The following LRBA variants were observed in gnomAD, a reference collection of about 807,000 sequenced individuals.
LRBA encodes lipopolysaccharide-responsive and beige-like anchor protein.
A neutral mutation model predicts 330.0 loss-of-function variants in LRBA; 176 were observed. That is an observed-to-expected ratio of 0.53 (90% confidence interval 0.47 to 0.60). LRBA has a LOEUF of 0.60. Ranked by LOEUF, LRBA falls within the 20% of genes least tolerant of loss-of-function variation. The pLI is 0.00. For missense variants in LRBA, 3,259 were observed against 3,444.8 expected (o/e 0.95, Z 1.35); for synonymous variants, 1,230 against 1,193.0 (o/e 1.03, Z -0.64).
Position 150,897,783 on chromosome 4 carries a change from G to C in LRBA, c.1960C>G (p.Leu654Val). 2 of 1,612,208 alleles carry C rather than the reference G, an allele frequency of 1.2e-6. No individual in the cohort carries two copies. Among genetic ancestry groups the C allele is most frequent in the Non-Finnish European group, 1.7e-6 (2 of 1,178,738 alleles). The change falls in exon 15 of 57, where the codon CTA becomes GTA. Residue 654 changes from leucine (L) to valine (V), a missense_variant. Coordinates refer to ENST00000651943, the MANE Select transcript of LRBA (RefSeq NM_001364905.1). ...PRPNQKEMLSLRAFLLMFIKQ... is the reference protein window; with the variant it reads ...PRPNQKEMLSVRAFLLMFIKQ... ...ATGAACATCAACAAGAATGCTCGTA[G>C]AGAAAGCATTTCTTTTTGATTAGGT...
At chr4:150,276,520 A>C (rs568557210) in intron 56 of LRBA, among the ~76,000 whole-genome samples, 2 of 152,342 alleles carry the variant, frequency 1.3e-5, no homozygotes, top group East Asian at 3.9e-4. Flanking sequence ...AATTTTTGCA[A>C]TCTATCCAAC....
At position 150,773,244 on chromosome 4, in the gene LRBA, T is replaced by C. The variant is rs1365147023; in HGVS notation, c.5581-11397A>G. On this transcript the variant is annotated intron_variant, in intron 34 of 56. Coordinates refer to ENST00000651943, the MANE Select transcript of LRBA (RefSeq NM_001364905.1). ...GGAAGTGAAAAGTGATAAAGATCCATGCAAACTAAATTATGACATACAGCT... is the reference window on the plus strand; with the variant it reads ...GGAAGTGAAAAGTGATAAAGATCCACGCAAACTAAATTATGACATACAGCT... Among the ~76,000 whole-genome samples, 3 of 152,194 alleles carry C rather than the reference T, an allele frequency of 2.0e-5. No individual in the cohort carries two copies. The East Asian group carries it at 5.8e-4, about 29-fold the overall frequency.
Position 150,486,940 on chromosome 4 carries a change from A to C in LRBA, c.6551+792T>G, listed in dbSNP as rs543981219. On this transcript the variant is annotated intron_variant, in intron 42 of 56. Transcript: ENST00000651943. ...CACTTAACAGAATGTCCTCCAGTTC[A>C]TCCATGTTATTGTAGATAACAAGAT... Among the ~76,000 whole-genome samples, 5 of 151,952 alleles carry C rather than the reference A, an allele frequency of 3.3e-5. No individual in the cohort carries two copies. The South Asian group carries it at 1.0e-3, about 32-fold the overall frequency.
At chr4:150,370,168 C>A (rs1225617390) in intron 47 of LRBA, among the ~76,000 whole-genome samples, 1 of 152,160 alleles carries the variant, frequency 6.6e-6, no homozygotes, top group South Asian at 2.1e-4. Flanking sequence ...TATGATCTAG[C>A]AGTTGCACTC....
intron 36 of LRBA, among the ~76,000 whole-genome samples, chr4:150,691,810 T>C (rs72959848): frequency 0.061 from 9,264 of 152,162 alleles, 868 homozygotes; most frequent in African/African-American, 0.21. Flanking sequence ...AATGTCTGCC[T>C]ATAGCTGAAT....
chr4:150,567,646 C>T (rs1460025878), intron 40 of LRBA, among the ~76,000 whole-genome samples: 2 of 152,084 alleles, frequency 1.3e-5, no homozygotes, highest in African/African-American at 2.4e-5. Context: ...AAGTGCTTAG[C>T]ATAGTGGTTG....
At chr4:150,701,428 A>T (rs1785110962) in intron 36 of LRBA, among the ~76,000 whole-genome samples, 1 of 152,212 alleles carries the variant, frequency 6.6e-6, no homozygotes, top group Non-Finnish European at 1.5e-5. Context: ...GCACTTTCAT[A>T]CGAATGGAAA....
chr4:150,559,929 T>TATATATAA (rs1768085502), intron 40 of LRBA, among the ~76,000 whole-genome samples: 1 of 97,442 alleles, frequency 1.0e-5, no homozygotes, highest in African/African-American at 4.2e-5. Context: ...TAAATATAAA[T>TATATATAA]ATATATATAT....
chr4:150,800,409 T>C (rs552643529), intron 33 of LRBA, among the ~76,000 whole-genome samples: 8 of 152,218 alleles, frequency 5.3e-5, no homozygotes, highest in South Asian at 4.1e-4. Flanking sequence ...AAAAATAACA[T>C]TGGGAGCAAA....
intron 37 of LRBA, among the ~76,000 whole-genome samples, chr4:150,605,374 C>T (rs750624445): frequency 6.6e-6 from 1 of 152,170 alleles, no homozygotes; most frequent in African/African-American, 2.4e-5. Flanking sequence ...TTTTCCATCT[C>T]GCCCACTTTG....
intron 37 of LRBA, among the ~76,000 whole-genome samples, chr4:150,610,679 A>T (rs191746392): frequency 3.8e-4 from 58 of 152,280 alleles, no homozygotes; most frequent in African/African-American, 1.4e-3. Flanking sequence ...TGGCAGACCA[A>T]AATAAGGAAG....
intron 47 of LRBA, among the ~76,000 whole-genome samples, chr4:150,362,451 T>C (rs1475954077): frequency 6.6e-6 from 1 of 152,188 alleles, no homozygotes; most frequent in Non-Finnish European, 1.5e-5. Flanking sequence ...ATCTAAAACC[T>C]AGCCAAGTCA....
At chr4:151,006,321 G>A (rs951963875) in intron 2 of LRBA, among the ~76,000 whole-genome samples, 3 of 151,930 alleles carry the variant, frequency 2.0e-5, no homozygotes, top group South Asian at 2.1e-4. Flanking sequence ...GGGAGACTCC[G>A]TCTCAAAAAA....
chr4:150,592,729 G>A (rs1249113560), intron 38 of LRBA, among the ~76,000 whole-genome samples: 2 of 152,170 alleles, frequency 1.3e-5, no homozygotes, highest in Non-Finnish European at 2.9e-5. Flanking sequence ...CTAGGCTCAA[G>A]CAATCCTCCC....
chr4:150,850,001 T>TA (rs2126910950), intron 24 of LRBA, among the ~76,000 whole-genome samples: 1 of 152,240 alleles, frequency 6.6e-6, no homozygotes, highest in East Asian at 1.9e-4. Flanking sequence ...TAGGTCACTT[T>TA]AAAATCATAA....
intron 40 of LRBA, among the ~76,000 whole-genome samples, chr4:150,494,198 T>C (rs1759294931): frequency 2.6e-5 from 4 of 152,138 alleles, no homozygotes; most frequent in Admixed American, 2.6e-4. Flanking sequence ...AACCCAAAAA[T>C]ACAGAGCTTC....
At chr4:150,628,636 C>T (rs1777077197) in intron 37 of LRBA, among the ~76,000 whole-genome samples, 4 of 152,126 alleles carry the variant, frequency 2.6e-5, no homozygotes, top group African/African-American at 9.7e-5. Context: ...AAGGAAAAAT[C>T]ATCATTTATA....
intron 17 of LRBA, among the ~76,000 whole-genome samples, chr4:150,892,474 A>C (rs1190478881): frequency 6.6e-6 from 1 of 152,214 alleles, no homozygotes; most frequent in African/African-American, 2.4e-5. Context: ...CTACATGACA[A>C]CACAGCAAGG....
chr4:150,898,851 C>T (rs1730409322), intron 14 of LRBA, among the ~76,000 whole-genome samples: 1 of 152,128 alleles, frequency 6.6e-6, no homozygotes, highest in Admixed American at 6.6e-5. Flanking sequence ...GGATCTGCCA[C>T]AACCTTGCCA....
Sources: gnomAD v4.1 joint callset for allele counts (sites outside exome capture counted in the v4.1 genomes callset) on GRCh38, gnomAD v4.1.1 for gene constraint, MANE v1.5 for transcripts, NCBI Gene and HGNC (gene_info 2026-07-23, HGNC 2026-07-21) for gene names.